The following NEDD4L variants were observed in gnomAD, a reference collection of about 807,000 sequenced individuals.
NEDD4L encodes E3 ubiquitin-protein ligase NEDD4-like.
In NEDD4L, 54 loss-of-function variants were observed where a neutral mutation model predicts 148.9. The ratio of observed to expected loss-of-function variants is 0.36; its 90% CI spans 0.29 to 0.45. NEDD4L has a LOEUF of 0.45. Ranked by LOEUF, NEDD4L falls within the 20% of genes least tolerant of loss-of-function variation. The pLI is 1.00. For missense variants in NEDD4L, 856 were observed against 1,233.8 expected (o/e 0.69, Z 4.59); for synonymous variants, 433 against 440.7 (o/e 0.98, Z 0.22).
rs67220469 is a variant in NEDD4L at position 58,231,237 on chromosome 18, CAA to C, written c.123-14168_123-14167del. On this transcript the variant is annotated intron_variant, in intron 2 of 30. Transcript: ENST00000400345. The stretch of plus-strand genomic sequence containing the variant: ...TGGGTGGCAGAGCGAGACCCTATCT[CAA>C]AAAAAAAAAAAAAAAAAAAAAGAAC... Among the ~76,000 whole-genome samples the C allele has an allele frequency of 6.2e-3, 561 of 90,110 alleles. 3 individuals carry two copies. The highest frequency in any genetic ancestry group is 0.015 in the African/African-American group (367 of 25,258). 59.1% of individuals were successfully genotyped at this position (90,110 alleles called of 152,430 possible). A position where few individuals can be genotyped will look rare whatever the true frequency, so the allele number is the denominator to read the frequency against.
intron 1 of NEDD4L, among the ~76,000 whole-genome samples, chr18:58,141,021 A>G (rs543914908): frequency 6.6e-6 from 1 of 152,334 alleles, no homozygotes; most frequent in African/African-American, 2.4e-5. Context: ...GTCAGAAGCC[A>G]GCGCCAGGCC....
chr18:58,364,650 TATTCA>T (rs1459594667), intron 20 of NEDD4L, among the ~76,000 whole-genome samples: 1 of 152,194 alleles, frequency 6.6e-6, no homozygotes, highest in African/African-American at 2.4e-5. Flanking sequence ...TGTGGAAGCC[TATTCA>T]ATTATGCGCA....
intron 1 of NEDD4L, among the ~76,000 whole-genome samples, chr18:58,103,854 T>C (rs2084911809): frequency 6.6e-6 from 1 of 152,118 alleles, no homozygotes; most frequent in Non-Finnish European, 1.5e-5. Context: ...ACAAGGAAAG[T>C]GGTTGTGAAG....
intron 6 of NEDD4L, among the ~76,000 whole-genome samples, chr18:58,316,645 G>A (rs539824416): frequency 2.0e-5 from 3 of 152,316 alleles, no homozygotes; most frequent in South Asian, 4.1e-4. Context: ...CGGAGCAGTC[G>A]AGGCTGTTGA....
At chr18:58,206,620 A>G (rs2042011707) in intron 2 of NEDD4L, among the ~76,000 whole-genome samples, 1 of 152,206 alleles carries the variant, frequency 6.6e-6, no homozygotes, top group Non-Finnish European at 1.5e-5. Context: ...GGACATGGTA[A>G]CGTATGCATA....
At chr18:58,191,109 T>A (rs1285101785) in intron 2 of NEDD4L, among the ~76,000 whole-genome samples, 1 of 152,198 alleles carries the variant, frequency 6.6e-6, no homozygotes, top group East Asian at 1.9e-4. Context: ...AGTGAGACTC[T>A]GTCTCTAAAA....
intron 5 of NEDD4L, among the ~76,000 whole-genome samples, chr18:58,261,437 C>T (rs1600381785): frequency 6.6e-6 from 1 of 152,134 alleles, no homozygotes; most frequent in Non-Finnish European, 1.5e-5. Flanking sequence ...CATTGTATGA[C>T]TTTAAAATGA....
chr18:58,373,161 T>C lies in NEDD4L; in HGVS notation c.2257-13T>C, dbSNP rs572319513. The C allele has an allele frequency of 1.1e-4, 163 of 1,457,716 alleles. No homozygotes were observed. Among genetic ancestry groups the C allele is most frequent in the Non-Finnish European group, 1.5e-4 (157 of 1,058,916 alleles). 90.3% of individuals were successfully genotyped at this position (1,457,716 alleles called of 1,614,324 possible). A position where few individuals can be genotyped will look rare whatever the true frequency, so the allele number is the denominator to read the frequency against. Reference sequence around the variant, plus strand: ...AAAAAATGCTGAATTTTCACTCCTGTGTCATTCTGTAGGATAGTGAATATT... The same window carrying C: ...AAAAAATGCTGAATTTTCACTCCTGCGTCATTCTGTAGGATAGTGAATATT... On this transcript the variant is annotated splice_polypyrimidine_tract_variant and intron_variant, in intron 23 of 30. Transcript: ENST00000400345.
chr18:58,209,866 C>G (rs2042421332), intron 2 of NEDD4L, among the ~76,000 whole-genome samples: 1 of 152,064 alleles, frequency 6.6e-6, no homozygotes, highest in Non-Finnish European at 1.5e-5. Context: ...TAACTTAGAA[C>G]TAGATAATAG....
chr18:58,258,123 A>G (rs1020545300), intron 5 of NEDD4L, among the ~76,000 whole-genome samples: 1 of 152,106 alleles, frequency 6.6e-6, no homozygotes, highest in African/African-American at 2.4e-5. Flanking sequence ...CTTTCCTTCC[A>G]TGTATCTCCT....
chr18:58,192,143 C>G (rs1224480766), intron 2 of NEDD4L, among the ~76,000 whole-genome samples: 4 of 152,070 alleles, frequency 2.6e-5, no homozygotes, highest in African/African-American at 7.2e-5. Context: ...TGCACTCCAG[C>G]CTGAGCTACA....
Position 58,044,618 on chromosome 18 carries a change from A to T in NEDD4L, c.-43A>T. On this transcript the variant is annotated 5_prime_UTR_variant, in exon 1 of 31. Transcript: ENST00000400345. ...GAACCGGCCGTCCGCGCCGCAGCAC[A>T]GCCGCTGGGAGCGCCTCAGACCCCG... The T allele has an allele frequency of 6.4e-7, 1 of 1,567,008 alleles. No homozygotes were observed. The highest frequency in any genetic ancestry group is 8.6e-7 in the Non-Finnish European group (1 of 1,157,490).
rs183457970 is a variant in NEDD4L, at chr18:58,203,247, G to A, written c.122+37386G>A. On this transcript the variant is annotated intron_variant, in intron 2 of 30. Transcript: ENST00000400345. The stretch of plus-strand genomic sequence containing the variant: ...CTTCCAAAGTGCTGGGATGATAGGT[G>A]TAAGCCGCCGCACCTGGCCCTCAGT... Among the ~76,000 whole-genome samples the A allele has an allele frequency of 1.7e-3, 259 of 152,282 alleles. 1 individual carries two copies. Among genetic ancestry groups the A allele is most frequent in the African/African-American group, 5.9e-3 (244 of 41,558 alleles).
At chr18:58,061,663 A>G (rs2082341386) in intron 1 of NEDD4L, among the ~76,000 whole-genome samples, 1 of 152,160 alleles carries the variant, frequency 6.6e-6, no homozygotes, top group South Asian at 2.1e-4. Context: ...ATATGGGAAC[A>G]TTTACCATCT....
intron 5 of NEDD4L, among the ~76,000 whole-genome samples, chr18:58,254,012 G>A (rs891292451): frequency 1.0e-4 from 15 of 143,698 alleles, no homozygotes; most frequent in Admixed American, 9.7e-4. Context: ...TTTCTTTGTT[G>A]GCTATTAACC....
intron 2 of NEDD4L, among the ~76,000 whole-genome samples, chr18:58,229,561 TCCA>T (rs2044818850): frequency 6.6e-6 from 1 of 152,214 alleles, no homozygotes; most frequent in African/African-American, 2.4e-5. Context: ...ATTATCTCAT[TCCA>T]CGTCAGCTGC....
At chr18:58,356,233 C>T (rs1429162422) in intron 18 of NEDD4L, among the ~76,000 whole-genome samples, 1 of 152,030 alleles carries the variant, frequency 6.6e-6, no homozygotes, top group Non-Finnish European at 1.5e-5. Context: ...ATTGGGATTA[C>T]AGGCATGAGC....
At chr18:58,063,429 T>G (rs1293850123) in intron 1 of NEDD4L, among the ~76,000 whole-genome samples, 3 of 152,160 alleles carry the variant, frequency 2.0e-5, no homozygotes, top group Non-Finnish European at 4.4e-5. Flanking sequence ...ATACATGTTT[T>G]GTCTATTATA....
At chr18:58,282,283 C>T (rs1341586307) in intron 5 of NEDD4L, among the ~76,000 whole-genome samples, 1 of 151,802 alleles carries the variant, frequency 6.6e-6, no homozygotes, top group Non-Finnish European at 1.5e-5. Context: ...TAAATGCAGT[C>T]CTGTCACCTC....
Sources: allele counts gnomAD v4.1 joint callset (sites outside exome capture counted in the v4.1 genomes callset), GRCh38; gene constraint gnomAD v4.1.1; transcripts MANE v1.5; gene names NCBI Gene and HGNC (gene_info 2026-07-23, HGNC 2026-07-21).